Variants in DTD1 observed in about 807,000 individuals in gnomAD.
DTD1 encodes the protein D-tyrosyl-tRNA deacylase 1 homolog.
In DTD1, 13 loss-of-function variants were observed where a neutral mutation model predicts 25.6. The observed-to-expected ratio is 0.51, with a 90% CI of 0.33 to 0.81. The LOEUF (loss-of-function observed/expected upper bound fraction) is 0.81. Among genes scored for constraint, DTD1 ranks in the 30% least tolerant of loss-of-function variants. The pLI is 0.02. For missense variants in DTD1, 193 were observed against 266.4 expected (o/e 0.72, Z 1.92); for synonymous variants, 110 against 103.6 (o/e 1.06, Z -0.37).
intron 3 of DTD1, among the ~76,000 whole-genome samples, chr20:18,615,300 A>G (rs2060704905): frequency 1.3e-5 from 2 of 152,036 alleles, no homozygotes; most frequent in Non-Finnish European, 2.9e-5. Flanking sequence ...TCCTCATTTC[A>G]TGGCTGTTTC....
intron 4 of DTD1, among the ~76,000 whole-genome samples, chr20:18,660,099 G>T (rs139216561): frequency 1.3e-5 from 2 of 152,104 alleles, no homozygotes; most frequent in African/African-American, 4.8e-5. Flanking sequence ...TTAGCTATGC[G>T]TGGTGGTGGA....
intron 4 of DTD1, among the ~76,000 whole-genome samples, chr20:18,706,255 C>T (rs1033951090): frequency 2.0e-5 from 3 of 152,156 alleles, no homozygotes; most frequent in South Asian, 2.1e-4. Context: ...GTAGGAATTG[C>T]GCCACACCCT....
chr20:18,711,343 T>C (rs946915332), intron 4 of DTD1, among the ~76,000 whole-genome samples: 2 of 152,124 alleles, frequency 1.3e-5, no homozygotes, highest in East Asian at 1.9e-4. Context: ...CCCCATCTCC[T>C]TTACTCAGGA....
rs1442374654 is a variant in DTD1 at position 18,765,239 on chromosome 20, G to A, written c.*1899G>A. ...GGAACTCTAAATGTTTGAAAGATGT[G>A]GAAGAGAAGCTGGGTCAGGAACAAA... On this transcript the variant is annotated 3_prime_UTR_variant, in exon 6 of 6. Transcript: ENST00000377452. The A allele has an allele frequency of 6.6e-6, 1 of 152,262 alleles. No individual in the cohort carries two copies. Among genetic ancestry groups the A allele is most frequent in the Non-Finnish European group, 1.5e-5 (1 of 68,086 alleles). 9.4% of individuals were successfully genotyped at this position (152,262 alleles called of 1,614,324 possible). A position where few individuals can be genotyped will look rare whatever the true frequency, so the allele number is the denominator to read the frequency against.
At chr20:18,633,753 C>G (rs1248187218) in intron 4 of DTD1, among the ~76,000 whole-genome samples, 1 of 152,168 alleles carries the variant, frequency 6.6e-6, no homozygotes, top group Non-Finnish European at 1.5e-5. Flanking sequence ...AGGGTAGATT[C>G]TTATTTTCAA....
intron 4 of DTD1, among the ~76,000 whole-genome samples, chr20:18,730,434 A>G (rs2061236077): frequency 6.6e-6 from 1 of 152,226 alleles, no homozygotes; most frequent in Admixed American, 6.5e-5. Context: ...AACATAAAAT[A>G]TTCCTTTCCT....
intron 4 of DTD1, chr20:18,675,719 C>CCT (rs2060967894): frequency 8.1e-6 from 1 of 123,094 alleles, no homozygotes; most frequent in African/African-American, 3.0e-5. Flanking sequence ...CCTATGGCTA[C>CCT]ATATGTGTAT....
At chr20:18,712,991 CTT>C (rs747564643) in intron 4 of DTD1, among the ~76,000 whole-genome samples, 5 of 152,274 alleles carry the variant, frequency 3.3e-5, no homozygotes, top group Non-Finnish European at 7.3e-5. Context: ...AACCTGTTCT[CTT>C]TCCCTCCCCT....
intron 4 of DTD1, among the ~76,000 whole-genome samples, chr20:18,729,965 C>A (rs1386132198): frequency 1.3e-5 from 2 of 151,956 alleles, no homozygotes; most frequent in Non-Finnish European, 2.9e-5. Context: ...CCAGTGCTGT[C>A]CTTTTGCTTG....
At chr20:18,733,115 A>T (rs1347677091) in intron 4 of DTD1, among the ~76,000 whole-genome samples, 1 of 152,180 alleles carries the variant, frequency 6.6e-6, no homozygotes, top group African/African-American at 2.4e-5. Flanking sequence ...GAAAGCCTAA[A>T]AGGGCACGTT....
At chr20:18,594,074 C>T (rs1441053573) in intron 2 of DTD1, among the ~76,000 whole-genome samples, 3 of 152,212 alleles carry the variant, frequency 2.0e-5, no homozygotes, top group Non-Finnish European at 4.4e-5. Context: ...GGCCTCAGAG[C>T]ATGCCTCTTG....
At chr20:18,618,644 C>A (rs2060719540) in intron 3 of DTD1, among the ~76,000 whole-genome samples, 1 of 148,054 alleles carries the variant, frequency 6.8e-6, no homozygotes. Context: ...TAATTATACA[C>A]ATATATGTGT....
intron 4 of DTD1, among the ~76,000 whole-genome samples, chr20:18,717,349 A>G (rs995034159): frequency 2.6e-5 from 4 of 152,240 alleles, no homozygotes; most frequent in African/African-American, 7.2e-5. Context: ...TTAATACTGC[A>G]TCTTTACATG....
chr20:18,664,052 C>T (rs2060921963), intron 4 of DTD1, among the ~76,000 whole-genome samples: 2 of 152,214 alleles, frequency 1.3e-5, no homozygotes, highest in African/African-American at 2.4e-5. Context: ...GGCTACACCA[C>T]ATAGCTTAGG....
chr20:18,760,037 G>C (rs544132426), intron 5 of DTD1, among the ~76,000 whole-genome samples: 9 of 152,212 alleles, frequency 5.9e-5, no homozygotes, highest in Non-Finnish European at 1.2e-4. Flanking sequence ...TGGCTATTGA[G>C]GCTTATGCGT....
chr20:18,636,844 A>G (rs1037865911), intron 4 of DTD1, among the ~76,000 whole-genome samples: 3 of 152,202 alleles, frequency 2.0e-5, no homozygotes, highest in African/African-American at 7.2e-5. Context: ...TATCAAAGTT[A>G]TCCAGGGGTT....
intron 3 of DTD1, among the ~76,000 whole-genome samples, chr20:18,598,215 A>T (rs1358507025): frequency 6.6e-6 from 1 of 151,900 alleles, no homozygotes; most frequent in African/African-American, 2.4e-5. Context: ...ACTTATAAGT[A>T]AGAACATGTG....
chr20:18,726,254 G>A (rs1055916824), intron 4 of DTD1, among the ~76,000 whole-genome samples: 2 of 152,138 alleles, frequency 1.3e-5, no homozygotes, highest in Admixed American at 6.5e-5. Context: ...GACAATGGGG[G>A]CATTTTCTTT....
chr20:18,671,280 A>G (rs2060950489), intron 4 of DTD1, among the ~76,000 whole-genome samples: 1 of 152,234 alleles, frequency 6.6e-6, no homozygotes, highest in Non-Finnish European at 1.5e-5. Context: ...GAACATTTCA[A>G]TGAAAAAATG....
Sources: gnomAD v4.1 joint callset for allele counts (sites outside exome capture counted in the v4.1 genomes callset) on GRCh38, gnomAD v4.1.1 for gene constraint, MANE v1.5 for transcripts, NCBI Gene and HGNC (gene_info 2026-07-23, HGNC 2026-07-21) for gene names.